The following NLGN1 variants were observed in gnomAD, a reference collection of about 807,000 sequenced individuals.
The protein encoded by NLGN1 is neuroligin-1.
A neutral mutation model predicts 65.5 loss-of-function variants in NLGN1; 12 were observed. The ratio of observed to expected loss-of-function variants is 0.18; its 90% CI spans 0.12 to 0.30. The LOEUF (loss-of-function observed/expected upper bound fraction) is 0.30, where lower values mean the gene tolerates loss of function less well. Ranked by LOEUF, NLGN1 falls within the 10% of genes least tolerant of loss-of-function variation. The pLI, the probability that NLGN1 is intolerant of heterozygous loss-of-function variation, is 1.00. For missense variants in NLGN1, 750 were observed against 1,007.1 expected, an observed-to-expected ratio of 0.74 and a Z score of 3.46; for synonymous variants, 350 against 359.5, an observed-to-expected ratio of 0.97 and a Z score of 0.30.
rs367934083 is a variant in NLGN1, at chr3:173,939,067, A to G, written c.646+131235A>G. On this transcript the variant is annotated intron_variant, in intron 4 of 6. Coordinates refer to ENST00000457714, the Ensembl canonical transcript of NLGN1. The stretch of plus-strand genomic sequence containing the variant: ...ATGAGAAAAAATGCAAGCCATAGCA[A>G]AAGGTTACATGATATAAAGCACACA... Among the ~76,000 whole-genome samples, 116 of 152,368 alleles carry G rather than the reference A, an allele frequency of 7.6e-4. 2 individuals are homozygous for G. The highest frequency in any genetic ancestry group is 2.7e-3 in the African/African-American group (113 of 41,584).
rs1760457873 is a variant in NLGN1, at chr3:173,658,684, A to G, written c.493+53593A>G. Among the ~76,000 whole-genome samples the G allele has an allele frequency of 2.6e-5, 4 of 151,932 alleles. No homozygotes were observed. The South Asian group carries it at 8.3e-4, about 31-fold the overall frequency. ...ATTCAAAGCTTGCTGCTTCTAAACT[A>G]AGACTTCCTTGGGATTACCCTTGCT... On this transcript the variant is annotated intron_variant, in intron 3 of 6. Transcript: ENST00000457714.
chr3:173,935,110 C>T (rs1744810500), intron 4 of NLGN1, among the ~76,000 whole-genome samples: 1 of 152,004 alleles, frequency 6.6e-6, no homozygotes, highest in African/African-American at 2.4e-5. Flanking sequence ...TTCCCATCTT[C>T]TGGGAGTTCT....
intron 4 of NLGN1, among the ~76,000 whole-genome samples, chr3:173,940,663 C>T (rs956000655): frequency 1.3e-5 from 2 of 152,276 alleles, no homozygotes; most frequent in African/African-American, 4.8e-5. Flanking sequence ...CATAGGGGGA[C>T]AGAATATCAA....
intron 4 of NLGN1, among the ~76,000 whole-genome samples, chr3:174,139,072 CT>C (rs1459600498): frequency 6.6e-6 from 1 of 151,790 alleles, no homozygotes; most frequent in Non-Finnish European, 1.5e-5. Context: ...TGTACTAAAA[CT>C]AAGTATATTG....
chr3:173,839,926 G>C (rs1378760561), intron 4 of NLGN1, among the ~76,000 whole-genome samples: 1 of 152,154 alleles, frequency 6.6e-6, no homozygotes, highest in Non-Finnish European at 1.5e-5. Context: ...AGCAACTGAG[G>C]CACAGAAATA....
At chr3:173,670,909 C>T (rs1375364372) in intron 3 of NLGN1, among the ~76,000 whole-genome samples, 1 of 152,122 alleles carries the variant, frequency 6.6e-6, no homozygotes, top group Non-Finnish European at 1.5e-5. Flanking sequence ...AAACACAGTA[C>T]TCAAAAAGCA....
chr3:173,986,204 C>T (rs1341411852), intron 4 of NLGN1, among the ~76,000 whole-genome samples: 1 of 151,750 alleles, frequency 6.6e-6, no homozygotes, highest in Non-Finnish European at 1.5e-5. Context: ...CACGGTGGCT[C>T]ACGCCTGTAA....
intron 4 of NLGN1, among the ~76,000 whole-genome samples, chr3:174,138,650 G>A (rs1409385303): frequency 6.6e-6 from 1 of 151,894 alleles, no homozygotes; most frequent in Non-Finnish European, 1.5e-5. Flanking sequence ...TAGCCAGGAT[G>A]GTCTTGATCT....
intron 3 of NLGN1, among the ~76,000 whole-genome samples, chr3:173,762,789 A>G (rs749620316): frequency 4.3e-4 from 66 of 152,016 alleles, no homozygotes; most frequent in Non-Finnish European, 6.9e-4. Flanking sequence ...AGATTAGGAT[A>G]AAGTTTTGGG....
intron 3 of NLGN1, among the ~76,000 whole-genome samples, chr3:173,665,494 C>T (rs931253415): frequency 2.0e-5 from 3 of 152,130 alleles, no homozygotes; most frequent in East Asian, 1.9e-4. Context: ...GCACAACTGT[C>T]GAGCCATTTA....
At chr3:173,442,244 T>C (rs1719334470) in intron 2 of NLGN1, among the ~76,000 whole-genome samples, 1 of 152,194 alleles carries the variant, frequency 6.6e-6, no homozygotes, top group Admixed American at 6.5e-5. Context: ...TTGAAAATCT[T>C]AATGCTATAA....
chr3:173,926,775 G>A (rs773628308), intron 4 of NLGN1, among the ~76,000 whole-genome samples: 1 of 152,146 alleles, frequency 6.6e-6, no homozygotes, highest in Non-Finnish European at 1.5e-5. Context: ...CGAGTGGGTG[G>A]GGAAAGTGCA....
At chr3:174,230,465 G>GA (rs147821335) in intron 4 of NLGN1, among the ~76,000 whole-genome samples, 27 of 152,064 alleles carry the variant, frequency 1.8e-4, no homozygotes, top group Admixed American at 1.3e-4. Context: ...AACTTTCTGA[G>GA]AAAAAAAGTT....
chr3:173,590,682 G>C (rs957433604), intron 2 of NLGN1, among the ~76,000 whole-genome samples: 2 of 151,998 alleles, frequency 1.3e-5, no homozygotes, highest in Non-Finnish European at 2.9e-5. Context: ...ATGAATACCT[G>C]GGATCTTCAT....
intron 3 of NLGN1, among the ~76,000 whole-genome samples, chr3:173,784,093 A>T (rs1018329098): frequency 6.6e-6 from 1 of 152,160 alleles, no homozygotes; most frequent in African/African-American, 2.4e-5. Flanking sequence ...TGGAGCACTG[A>T]TTATGTGCCA....
chr3:173,541,886 G>C (rs1268526047), intron 2 of NLGN1, among the ~76,000 whole-genome samples: 1 of 152,002 alleles, frequency 6.6e-6, no homozygotes, highest in Non-Finnish European at 1.5e-5. Flanking sequence ...CAAGGTGTAC[G>C]TAGATGTGGA....
chr3:174,102,965 C>T lies in NLGN1; in HGVS notation c.647-172350C>T, dbSNP rs182001121. The stretch of plus-strand genomic sequence containing the variant: ...TTCCGACTTGAAGTAAATGAAGCAA[C>T]TTTACCATAAGGCACACTGACAGAC... On this transcript the variant is annotated intron_variant, in intron 4 of 6. Coordinates refer to ENST00000457714, the Ensembl canonical transcript of NLGN1. Among the ~76,000 whole-genome samples, 4 of 152,314 alleles carry T rather than the reference C, an allele frequency of 2.6e-5. No individual in the cohort carries two copies. The East Asian group carries it at 5.8e-4, about 22-fold the overall frequency.
At chr3:173,450,592 A>T (rs1378603657) in intron 2 of NLGN1, among the ~76,000 whole-genome samples, 1 of 152,090 alleles carries the variant, frequency 6.6e-6, no homozygotes, top group Non-Finnish European at 1.5e-5. Flanking sequence ...GTATTTCCTG[A>T]ATGTGAATGT....
At chr3:174,005,710 T>TA (rs778848009) in intron 4 of NLGN1, among the ~76,000 whole-genome samples, 10 of 151,956 alleles carry the variant, frequency 6.6e-5, no homozygotes, top group South Asian at 2.1e-4. Context: ...TTTTTTTTTT[T>TA]ACCACAAAAC....
Sources: allele counts gnomAD v4.1 joint callset (sites outside exome capture counted in the v4.1 genomes callset), GRCh38; gene constraint gnomAD v4.1.1; transcripts MANE v1.5; gene names NCBI Gene and HGNC (gene_info 2026-07-23, HGNC 2026-07-21).